RAPH1: variants seen among roughly 807,000 people sequenced by gnomAD.
The protein encoded by RAPH1 is ras-associated and pleckstrin homology domains-containing protein 1.
Under a neutral mutation model 88.1 loss-of-function variants are expected in RAPH1, and 18 were observed. That is an observed-to-expected ratio of 0.20 (90% CI 0.14 to 0.30). RAPH1 has a LOEUF of 0.30. RAPH1 is among the 10% of genes least tolerant of loss of function. The pLI is 1.00. For synonymous variants in RAPH1, 587 were observed against 559.0 expected (o/e 1.05, Z -0.71); for missense variants, 1,448 against 1,543.2 (o/e 0.94, Z 1.03).
At chr2:203,459,759 G>A (rs1186272092) in intron 7 of RAPH1, 148 bp downstream of exon 7, 8 of 761,380 alleles carry the variant, frequency 1.1e-5, no homozygotes, top group Admixed American at 2.8e-5. Context: ...AGCAGCAGCA[G>A]CAGTAGTAGA....
At chr2:203,506,770 C>CTAGATATATATATCTA (rs1553630400) in intron 1 of RAPH1, among the ~76,000 whole-genome samples, 1 of 99,064 alleles carries the variant, frequency 1.0e-5, no homozygotes, top group Non-Finnish European at 1.9e-5. Context: ...ATATATATAT[C>CTAGATATATATATCTA]TATATATATC....
chr2:203,445,023 GT>G lies in RAPH1; in HGVS notation c.1634-14del. 1 of 1,608,154 alleles carries G rather than the reference GT, an allele frequency of 6.2e-7. No individual in the cohort carries two copies. Among genetic ancestry groups the G allele is most frequent in the South Asian group, 1.1e-5 (1 of 89,600 alleles). On this transcript the variant is annotated splice_polypyrimidine_tract_variant and intron_variant, in intron 12 of 13. Transcript: ENST00000319170. ...TTTGACTGAGACTCTGTTTAAAATA[GT>G]TTTTTAAACATAGGTTTAAAAGAGT...
In RAPH1 at chr2:203,441,314, G is replaced by A; in HGVS notation, c.1876C>T (p.Pro626Ser). The change falls in exon 14 of 14, where the codon CCA becomes TCA. Residue 626 changes from proline (P) to serine (S), a missense_variant. Pro to Ser is a moderately conservative substitution (Grantham distance 74). Coordinates refer to ENST00000319170, the MANE Select transcript of RAPH1 (RefSeq NM_213589.3). ...GGGGGTGGCGGAGGAGGTAGAGGTG[G>A]TGAAGGCTGTGAAGCAGTGTAGGGG... The part of the protein sequence containing the change: ...VTPYTASQPS[P>S]PLPPPPPPPP... 7.7e-6 allele frequency: 12 copies of A among 1,565,376 alleles called. No homozygotes were observed. Among genetic ancestry groups the A allele is most frequent in the Non-Finnish European group, 1.0e-5 (12 of 1,156,812 alleles).
At chr2:203,512,608 A>AAACATCCCT (rs1311504356) in intron 1 of RAPH1, among the ~76,000 whole-genome samples, 1 of 151,120 alleles carries the variant, frequency 6.6e-6, no homozygotes, top group African/African-American at 2.4e-5. Flanking sequence ...AACATATGCT[A>AAACATCCCT]AACATCCCTT....
At chr2:203,516,150 T>G (rs1461206962) in intron 1 of RAPH1, among the ~76,000 whole-genome samples, 1 of 152,168 alleles carries the variant, frequency 6.6e-6, no homozygotes, top group East Asian at 1.9e-4. Context: ...TATAAGGTAC[T>G]CACATTACAC....
rs370726530 is a variant in RAPH1, at chr2:203,444,942, G to A, written c.1702C>T (p.Arg568Cys). ...ACGGAGCTCACAATGCTCTGGGAAC[G>A]GACGTGTCCTGCTGGCTGGGTGTCA... ...VSDTQPAGHV[R>C]SQSIVSSVFS... The change falls in exon 13 of 14, where the codon CGT (arginine) becomes TGT (cysteine). Residue 568 changes from arginine (R) to cysteine (C), a missense_variant. Transcript: ENST00000319170. 7 of 1,614,134 alleles carry A rather than the reference G, an allele frequency of 4.3e-6. No homozygotes were observed. Among genetic ancestry groups the A allele is most frequent in the Non-Finnish European group, 5.9e-6 (7 of 1,179,992 alleles).
chr2:203,503,145 AAAAC>A (rs547655158), intron 1 of RAPH1, among the ~76,000 whole-genome samples: 26 of 152,304 alleles, frequency 1.7e-4, no homozygotes, highest in East Asian at 7.7e-4. Flanking sequence ...CTCTGTCTCA[AAAAC>A]AAACAAACAA....
intron 1 of RAPH1, among the ~76,000 whole-genome samples, chr2:203,533,737 C>T (rs1690490545): frequency 6.6e-6 from 1 of 152,064 alleles, no homozygotes; most frequent in Admixed American, 6.6e-5. Flanking sequence ...CCCCCCGCAC[C>T]GCACCCCCAA....
intron 1 of RAPH1, among the ~76,000 whole-genome samples, chr2:203,523,391 T>C (rs976343387): frequency 7.4e-5 from 9 of 121,572 alleles, no homozygotes; most frequent in Non-Finnish European, 1.3e-4. Flanking sequence ...AGACTCTGTC[T>C]CAAAAAAAAA....
rs1014781499 is a variant in RAPH1 at position 203,510,240 on chromosome 2, G to C, written c.1-14887C>G. Among the ~76,000 whole-genome samples the C allele has an allele frequency of 2.1e-5, 3 of 145,868 alleles. No individual in the cohort carries two copies. The South Asian group carries it at 6.7e-4, about 32-fold the overall frequency. On this transcript the variant is annotated intron_variant, in intron 1 of 13. Transcript: ENST00000319170. ...AATCCCAGCTGCTCAGGAGGCTAAC[G>C]TAGGAAAATTGCTTGAACCTGGGAG...
chr2:203,498,147 A>G (rs1333086846), intron 1 of RAPH1, among the ~76,000 whole-genome samples: 2 of 152,220 alleles, frequency 1.3e-5, no homozygotes, highest in African/African-American at 4.8e-5. Flanking sequence ...TCTTAATTAC[A>G]TTTTATATCT....
intron 4 of RAPH1, among the ~76,000 whole-genome samples, chr2:203,483,049 G>C (rs1687800058): frequency 6.6e-6 from 1 of 152,182 alleles, no homozygotes; most frequent in African/African-American, 2.4e-5. Flanking sequence ...GTATGGGACA[G>C]TATGGCTAGT....
chr2:203,477,282 T>C, intron 4 of RAPH1: 1 of 706,830 alleles, frequency 1.4e-6, no homozygotes, highest in Non-Finnish European at 2.4e-6. Context: ...AAAATAGTAA[T>C]GAAAAGTTGC....
At chr2:203,507,513 A>G (rs1334093300) in intron 1 of RAPH1, among the ~76,000 whole-genome samples, 1 of 152,208 alleles carries the variant, frequency 6.6e-6, no homozygotes, top group African/African-American at 2.4e-5. Context: ...TCATCACTAC[A>G]AAGGCAAACC....
chr2:203,499,418 C>T (rs1244768514), intron 1 of RAPH1, among the ~76,000 whole-genome samples: 1 of 150,844 alleles, frequency 6.6e-6, no homozygotes, highest in Non-Finnish European at 1.5e-5. Context: ...ATTAGTTTAA[C>T]AGCAACAAAA....
Position 203,439,223 on chromosome 2 carries a change from CTA to C in RAPH1, c.*212_*213del, listed in dbSNP as rs2098500954. The C allele has an allele frequency of 1.9e-6, 1 of 521,552 alleles. No homozygotes were observed. The highest frequency in any genetic ancestry group is 1.9e-5 in the African/African-American group (1 of 53,144). The allele number at this position is 521,552 out of a possible 1,614,324, so 32.3% of individuals were successfully genotyped here. The stretch of plus-strand genomic sequence containing the variant: ...AATAGAATAACTCTCAGCTCTCTCT[CTA>C]TATACACATACACATACATATATGT... On this transcript the variant is annotated 3_prime_UTR_variant, in exon 14 of 14. Transcript: ENST00000319170.
chr2:203,486,539 AT>A (rs1307583741), intron 4 of RAPH1, among the ~76,000 whole-genome samples: 12 of 152,222 alleles, frequency 7.9e-5, no homozygotes, highest in Non-Finnish European at 1.5e-4. Flanking sequence ...TGTAGACTTA[AT>A]GATAAAGAGG....
intron 4 of RAPH1, among the ~76,000 whole-genome samples, chr2:203,482,956 C>T (rs747175309): frequency 1.2e-4 from 19 of 152,166 alleles, no homozygotes; most frequent in Non-Finnish European, 2.1e-4. Flanking sequence ...GAATGTTACA[C>T]AGAAGACTGG....
intron 4 of RAPH1, among the ~76,000 whole-genome samples, chr2:203,463,411 T>A (rs1263547754): frequency 6.6e-6 from 1 of 152,226 alleles, no homozygotes; most frequent in East Asian, 1.9e-4. Flanking sequence ...TTATTCTGTC[T>A]GCCTAAATTC....
Sources: gnomAD v4.1 joint callset for allele counts (sites outside exome capture counted in the v4.1 genomes callset) on GRCh38, gnomAD v4.1.1 for gene constraint, MANE v1.5 for transcripts, NCBI Gene and HGNC (gene_info 2026-07-23, HGNC 2026-07-21) for gene names.